SEMA3E: variants seen among roughly 807,000 people sequenced by gnomAD.
SEMA3E encodes the protein semaphorin 3E.
In SEMA3E, 49 loss-of-function variants were observed where a neutral mutation model predicts 93.6. That is an observed-to-expected ratio of 0.52 (90% CI 0.42 to 0.66). The LOEUF (loss-of-function observed/expected upper bound fraction) is 0.66, where lower values mean the gene tolerates loss of function less well. SEMA3E is among the 30% of genes least tolerant of loss of function. SEMA3E has a pLI of 0.00. For synonymous variants in SEMA3E, 363 were observed against 330.7 expected (o/e 1.10, Z -1.06); for missense variants, 906 against 964.8 (o/e 0.94, Z 0.81).
At chr7:83,603,472 T>C (rs1470677199) in intron 1 of SEMA3E, among the ~76,000 whole-genome samples, 3 of 152,158 alleles carry the variant, frequency 2.0e-5, no homozygotes, top group Non-Finnish European at 2.9e-5. Flanking sequence ...TGTATTCTTA[T>C]GATTAACAAA....
intron 3 of SEMA3E, among the ~76,000 whole-genome samples, chr7:83,468,097 A>C (rs571244567): frequency 2.0e-5 from 3 of 152,308 alleles, no homozygotes; most frequent in African/African-American, 7.2e-5. Context: ...ACCTGTTGTG[A>C]TTTCAGCACT....
chr7:83,456,778 T>C (rs1029529328), intron 4 of SEMA3E, among the ~76,000 whole-genome samples: 2 of 151,984 alleles, frequency 1.3e-5, no homozygotes, highest in Non-Finnish European at 2.9e-5. Context: ...CATGCCTGGC[T>C]AATTTTTATA....
chr7:83,636,800 A>C (rs1165104767), intron 1 of SEMA3E, among the ~76,000 whole-genome samples: 2 of 152,106 alleles, frequency 1.3e-5, no homozygotes, highest in Admixed American at 6.5e-5. Flanking sequence ...AGGATGGTGC[A>C]AGGCAAGGTA....
At chr7:83,508,978 A>AACCCTACTAAACTAAACCC (rs1158715942) in intron 1 of SEMA3E, among the ~76,000 whole-genome samples, 18 of 152,160 alleles carry the variant, frequency 1.2e-4, no homozygotes, top group Non-Finnish European at 2.2e-4. Flanking sequence ...GTTTAATCTA[A>AACCCTACTAAACTAAACCC]TGGGCAAGTT....
chr7:83,554,855 T>C (rs1368163405), intron 1 of SEMA3E, among the ~76,000 whole-genome samples: 1 of 151,992 alleles, frequency 6.6e-6, no homozygotes. Flanking sequence ...CGGGCGCCTG[T>C]AGTCCCAGCT....
intron 1 of SEMA3E, among the ~76,000 whole-genome samples, chr7:83,500,207 G>A (rs1199786847): frequency 2.0e-5 from 3 of 152,190 alleles, no homozygotes; most frequent in Non-Finnish European, 4.4e-5. Context: ...GGAGGCCAAG[G>A]CGGGTGGATC....
chr7:83,378,982 A>T (rs759290804), intron 16 of SEMA3E, among the ~76,000 whole-genome samples: 1 of 151,894 alleles, frequency 6.6e-6, no homozygotes, highest in Non-Finnish European at 1.5e-5. Flanking sequence ...AGCAATAAAG[A>T]TATGGAATCA....
At chr7:83,471,019 TAC>T (rs1486155096) in intron 2 of SEMA3E, among the ~76,000 whole-genome samples, 10 of 151,986 alleles carry the variant, frequency 6.6e-5, no homozygotes, top group African/African-American at 1.7e-4. Flanking sequence ...CTTTTCATAA[TAC>T]AGTGTTTCAA....
chr7:83,392,517 T>G, intron 14 of SEMA3E, 38 bp downstream of exon 14: 1 of 1,595,968 alleles, frequency 6.3e-7, no homozygotes, highest in Non-Finnish European at 8.6e-7. Context: ...AGGGTTTTCC[T>G]AAGCAAGGGA....
chr7:83,453,913 C>A (rs58966817), intron 4 of SEMA3E, among the ~76,000 whole-genome samples: 16,556 of 148,496 alleles, frequency 0.11, 1,026 homozygotes, highest in Non-Finnish European at 0.14. Context: ...TAGATTTTTA[C>A]AAATTATTTT....
At chr7:83,575,700 C>G (rs1199608321) in intron 1 of SEMA3E, among the ~76,000 whole-genome samples, 1 of 152,134 alleles carries the variant, frequency 6.6e-6, no homozygotes, top group Non-Finnish European at 1.5e-5. Flanking sequence ...TTTCTGAACA[C>G]CAAAGGTCTG....
intron 4 of SEMA3E, among the ~76,000 whole-genome samples, chr7:83,419,012 G>A (rs1022522914): frequency 6.6e-6 from 1 of 152,048 alleles, no homozygotes; most frequent in African/African-American, 2.4e-5. Flanking sequence ...TGAGCATAGT[G>A]TCCAACAGGC....
chr7:83,645,918 T>C (rs981955200), intron 1 of SEMA3E, among the ~76,000 whole-genome samples: 3 of 152,096 alleles, frequency 2.0e-5, no homozygotes, highest in Admixed American at 1.3e-4. Flanking sequence ...GCTCTGTATA[T>C]GATAAACTTT....
intron 1 of SEMA3E, among the ~76,000 whole-genome samples, chr7:83,633,904 C>T: frequency 6.6e-6 from 1 of 152,142 alleles, no homozygotes; most frequent in Non-Finnish European, 1.5e-5. Context: ...TTACACACAC[C>T]ATTCACAGGG....
rs1788367929 is a variant in SEMA3E, at chr7:83,408,421, A to G, written c.617T>C (p.Met206Thr). The part of the protein sequence containing the change: ...WSRDAAIFRS[M>T]GRLAHIRTEH... Reference sequence around the variant, plus strand: ...AGTGCGGATATGGGCCAGTCGCCCCATGCTGCGGAAGATCGCAGCGTCTCT... The same window carrying G: ...AGTGCGGATATGGGCCAGTCGCCCCGTGCTGCGGAAGATCGCAGCGTCTCT... The change falls in exon 6 of 17, where the codon ATG becomes ACG. Residue 206 changes from methionine to threonine, a missense_variant. Met to Thr is a moderately conservative substitution (Grantham distance 81, BLOSUM62 -1). Transcript: ENST00000643230. 1.2e-6 allele frequency: 2 copies of G among 1,613,722 alleles called. No individual in the cohort carries two copies.
intron 1 of SEMA3E, among the ~76,000 whole-genome samples, chr7:83,508,263 CT>C (rs1030827840): frequency 2.9e-3 from 402 of 138,588 alleles, no homozygotes; most frequent in Non-Finnish European, 3.9e-3. Flanking sequence ...TTTTCTTTTT[CT>C]TTTTTTTTTT....
chr7:83,397,334 T>G (rs886988127), intron 11 of SEMA3E, among the ~76,000 whole-genome samples: 1 of 152,122 alleles, frequency 6.6e-6, no homozygotes, highest in Non-Finnish European at 1.5e-5. Flanking sequence ...ATAAGAGAGA[T>G]GCCAAATTAT....
intron 1 of SEMA3E, among the ~76,000 whole-genome samples, chr7:83,544,149 ATAAC>A (rs1170477291): frequency 2.6e-5 from 4 of 152,102 alleles, no homozygotes; most frequent in Non-Finnish European, 4.4e-5. Context: ...CCAGTAGAAA[ATAAC>A]TAACTATTTG....
At chr7:83,644,417 C>T (rs1794054914) in intron 1 of SEMA3E, among the ~76,000 whole-genome samples, 1 of 151,928 alleles carries the variant, frequency 6.6e-6, no homozygotes, top group Admixed American at 6.6e-5. Context: ...AAACTCATAA[C>T]ATTTTCAAGG....
Sources: allele counts gnomAD v4.1 joint callset (sites outside exome capture counted in the v4.1 genomes callset), GRCh38; gene constraint gnomAD v4.1.1; transcripts MANE v1.5; gene names NCBI Gene and HGNC (gene_info 2026-07-23, HGNC 2026-07-21).